The following PPP1R12B variants were observed in gnomAD, a reference collection of about 807,000 sequenced individuals.
The protein encoded by PPP1R12B is protein phosphatase 1 regulatory subunit 12B, also known as myosin phosphatase target subunit 2.
PPP1R12B carries 76 observed loss-of-function variants against 126.1 expected under a neutral mutation model. The ratio of observed to expected loss-of-function variants is 0.60; its 90% CI spans 0.50 to 0.73. The LOEUF is 0.73. PPP1R12B is among the 30% of genes least tolerant of loss of function. PPP1R12B has a pLI of 0.00. For synonymous variants in PPP1R12B, 356 were observed against 434.7 expected (o/e 0.82, Z 2.25); for missense variants, 1,052 against 1,205.1 (o/e 0.87, Z 1.88).
chr1:202,417,709 C>A (rs1310590245), intron 2 of PPP1R12B, among the ~76,000 whole-genome samples: 1 of 152,120 alleles, frequency 6.6e-6, no homozygotes, highest in African/African-American at 2.4e-5. Context: ...TAAATAAAAT[C>A]ATGATATTCT....
In PPP1R12B at chr1:202,535,751, G is replaced by A. The variant is rs549049883; in HGVS notation, c.2491-23126G>A. Among the ~76,000 whole-genome samples, 85 of 152,302 alleles carry A rather than the reference G, an allele frequency of 5.6e-4. 1 individual carries two copies. The South Asian group carries it at 0.017, about 30-fold the overall frequency. On this transcript the variant is annotated intron_variant, in intron 18 of 23. Transcript: ENST00000608999. ...GGCTGTTTGCAAAGCTCATCCTGTA[G>A]AAGTCTGTGGTCAAGAATATTTCCA...
chr1:202,445,736 A>G (rs1672147892), intron 12 of PPP1R12B, among the ~76,000 whole-genome samples: 1 of 152,168 alleles, frequency 6.6e-6, no homozygotes. Context: ...GTGAGAAGGG[A>G]CAGATTTGTG....
At chr1:202,505,262 C>G (rs1307150773) in intron 18 of PPP1R12B, among the ~76,000 whole-genome samples, 1 of 152,230 alleles carries the variant, frequency 6.6e-6, no homozygotes, top group Non-Finnish European at 1.5e-5. Flanking sequence ...GCTTCTCTGT[C>G]AAGCAAGCAG....
At chr1:202,504,572 C>T (rs1680610364) in intron 18 of PPP1R12B, among the ~76,000 whole-genome samples, 3 of 152,182 alleles carry the variant, frequency 2.0e-5, no homozygotes, top group African/African-American at 7.2e-5. Flanking sequence ...TTAAAGTTAA[C>T]AGCTGAGGCC....
At chr1:202,377,371 C>T (rs551539037) in intron 1 of PPP1R12B, among the ~76,000 whole-genome samples, 1 of 150,546 alleles carries the variant, frequency 6.6e-6, no homozygotes, top group Non-Finnish European at 1.5e-5. Context: ...GGCGTGATCT[C>T]GACTCACTGC....
intron 1 of PPP1R12B, among the ~76,000 whole-genome samples, chr1:202,374,060 C>T (rs1380830714): frequency 2.0e-5 from 3 of 152,166 alleles, no homozygotes; most frequent in Admixed American, 6.5e-5. Flanking sequence ...TTAAAAGTGA[C>T]AGTTATCAGC....
At chr1:202,367,292 A>G (rs1270051356) in intron 1 of PPP1R12B, among the ~76,000 whole-genome samples, 1 of 152,216 alleles carries the variant, frequency 6.6e-6, no homozygotes, top group Admixed American at 6.6e-5. Context: ...GGAATCAGAC[A>G]TAGTTGGTTT....
chr1:202,487,603 C>CTT (rs35559949), intron 13 of PPP1R12B, among the ~76,000 whole-genome samples: 42 of 147,102 alleles, frequency 2.9e-4, no homozygotes, highest in Non-Finnish European at 3.5e-4. Flanking sequence ...AGATACATTT[C>CTT]TTTTTTTTTT....
intron 18 of PPP1R12B, among the ~76,000 whole-genome samples, chr1:202,500,240 T>TCTCTCTCA (rs1553306847): frequency 6.6e-6 from 1 of 151,926 alleles, no homozygotes; most frequent in African/African-American, 2.4e-5. Flanking sequence ...TCTCTCTCTC[T>TCTCTCTCA]CTCTCACTCT....
chr1:202,574,034 C>G (rs1433135100), intron 23 of PPP1R12B, among the ~76,000 whole-genome samples: 1 of 152,104 alleles, frequency 6.6e-6, no homozygotes, highest in Non-Finnish European at 1.5e-5. Context: ...AACAATCTCT[C>G]TGGACTGCAG....
chr1:202,371,509 C>T (rs1660256021), intron 1 of PPP1R12B, among the ~76,000 whole-genome samples: 1 of 151,660 alleles, frequency 6.6e-6, no homozygotes. Flanking sequence ...TGTCTGATTT[C>T]AGTCTTTTGT....
At chr1:202,365,314 C>T (rs886633146) in intron 1 of PPP1R12B, among the ~76,000 whole-genome samples, 2 of 151,674 alleles carry the variant, frequency 1.3e-5, no homozygotes, top group Non-Finnish European at 2.9e-5. Context: ...CAATTGTGGT[C>T]GCCTGCAGTT....
intron 1 of PPP1R12B, among the ~76,000 whole-genome samples, chr1:202,393,119 T>G (rs1006382130): frequency 2.0e-5 from 3 of 152,048 alleles, no homozygotes; most frequent in African/African-American, 7.2e-5. Flanking sequence ...CCAATTTTTT[T>G]GTATTTTTAG....
intron 18 of PPP1R12B, among the ~76,000 whole-genome samples, chr1:202,524,939 G>A (rs139526168): frequency 0.023 from 3,574 of 152,134 alleles, 64 homozygotes; most frequent in Non-Finnish European, 0.034. Flanking sequence ...GTGCGGTGAC[G>A]CGATCTTGGC....
chr1:202,532,970 A>G (rs1467741555), intron 18 of PPP1R12B, among the ~76,000 whole-genome samples: 1 of 149,602 alleles, frequency 6.7e-6, no homozygotes, highest in Non-Finnish European at 1.5e-5. Flanking sequence ...CCCAGGTTCA[A>G]ATGATTCTCC....
rs1019044651 is a variant in PPP1R12B, at chr1:202,586,841, G to A, written c.*6281G>A. The A allele has an allele frequency of 4.6e-5, 7 of 152,180 alleles. No homozygotes were observed. The highest frequency in any genetic ancestry group is 1.7e-4 in the African/African-American group (7 of 41,442). The allele number at this position is 152,180 out of a possible 1,614,324, so 9.4% of individuals were successfully genotyped here. On this transcript the variant is annotated 3_prime_UTR_variant, in exon 24 of 24. Coordinates refer to ENST00000608999, the MANE Select transcript of PPP1R12B (RefSeq NM_002481.4). ...GACAATACCATTAATGAATGTTCTG[G>A]CCTTACCTAAAAAGGTTTAGCAATT...
rs56164548 is a variant in PPP1R12B, at chr1:202,420,967, CTTTTTT to C, written c.423-1637_423-1632del. Among the ~76,000 whole-genome samples, 494 of 118,530 alleles carry C rather than the reference CTTTTTT, an allele frequency of 4.2e-3. 6 individuals carry two copies. The highest frequency in any genetic ancestry group is 4.9e-3 in the Non-Finnish European group (300 of 60,778). The allele number at this position is 118,530 out of a possible 152,430, so 77.8% of individuals were successfully genotyped here. ...CTATTGATTCTTTTCCCTCTGCCAA[CTTTTTT>C]TTTTTTTTTTTTTTTGAGATAGAGT... On this transcript the variant is annotated intron_variant, in intron 2 of 23. Transcript: ENST00000608999.
At chr1:202,362,974 C>T (rs1658481892) in intron 1 of PPP1R12B, among the ~76,000 whole-genome samples, 1 of 152,124 alleles carries the variant, frequency 6.6e-6, no homozygotes. Context: ...GCTGGGACTA[C>T]AGGCATGCAC....
intron 10 of PPP1R12B, chr1:202,439,036 G>A (rs1157370814): frequency 4.4e-6 from 6 of 1,369,118 alleles, no homozygotes; most frequent in East Asian, 2.3e-5. Flanking sequence ...ACCAGTGGGC[G>A]GACTTCATCC....
Sources: gnomAD v4.1 joint callset for allele counts (sites outside exome capture counted in the v4.1 genomes callset) on GRCh38, gnomAD v4.1.1 for gene constraint, MANE v1.5 for transcripts, NCBI Gene and HGNC (gene_info 2026-07-23, HGNC 2026-07-21) for gene names.